Variants in GTPBP10 observed in about 807,000 individuals in gnomAD.
GTPBP10 encodes the protein GTP-binding protein 10.
A neutral mutation model predicts 44.8 loss-of-function variants in GTPBP10; 38 were observed. That is an observed-to-expected ratio of 0.85 (90% confidence interval 0.65 to 1.11). The LOEUF is 1.11. Ranked by LOEUF, GTPBP10 falls within the 50% of genes most tolerant of loss-of-function variation. The pLI, the probability that GTPBP10 is intolerant of heterozygous loss-of-function variation, is 0.00. For synonymous variants in GTPBP10, 152 were observed against 150.6 expected, an observed-to-expected ratio of 1.01 and a Z score of -0.07; for missense variants, 462 against 453.7, an observed-to-expected ratio of 1.02 and a Z score of -0.17.
intron 5 of GTPBP10, 23 bp from the exon 6 acceptor site, chr7:90,374,279 T>C (rs1206753882): frequency 5.2e-6 from 8 of 1,542,702 alleles, no homozygotes; most frequent in Non-Finnish European, 7.2e-6. Context: ...CTAGCCTTAA[T>C]TTATTGCTGT....
At chr7:90,352,198 A>G (rs1282609684) in intron 1 of GTPBP10, among the ~76,000 whole-genome samples, 1 of 152,244 alleles carries the variant, frequency 6.6e-6, no homozygotes, top group Non-Finnish European at 1.5e-5. Context: ...GAAAAGAAGC[A>G]GGTGTAGTCT....
chr7:90,372,587 G>T (rs1307003281), intron 5 of GTPBP10, among the ~76,000 whole-genome samples: 1 of 150,494 alleles, frequency 6.6e-6, no homozygotes, highest in Non-Finnish European at 1.5e-5. Flanking sequence ...AAATTGCTGG[G>T]TTATAGGTGT....
chr7:90,361,717 C>T (rs559351116), intron 4 of GTPBP10, among the ~76,000 whole-genome samples: 91 of 152,314 alleles, frequency 6.0e-4, no homozygotes, highest in African/African-American at 2.0e-3. Context: ...ACCAGCTCCT[C>T]CTTGTACCTC....
rs747807820 is a variant in GTPBP10, at chr7:90,377,475, C to T, written c.592-32C>T. The T allele has an allele frequency of 3.5e-6, 5 of 1,439,232 alleles. No homozygotes were observed. In the Admixed American group the frequency reaches 1.0e-4, roughly 29 times the overall value. The allele number at this position is 1,439,232 out of a possible 1,614,324, so 89.2% of individuals were successfully genotyped here. On this transcript the variant is annotated intron_variant, in intron 6 of 9. Coordinates refer to ENST00000222511, the MANE Select transcript of GTPBP10 (RefSeq NM_033107.4). ...TGAACTTGCGGTTTTCATACATTTT[C>T]CTTTTTCATTAACCATTTAACTTTG...
At chr7:90,348,860 C>A (rs1313872265) in intron 1 of GTPBP10, among the ~76,000 whole-genome samples, 1 of 152,164 alleles carries the variant, frequency 6.6e-6, no homozygotes, top group Non-Finnish European at 1.5e-5. Context: ...ACAATAGGAG[C>A]TCTTCTGCCA....
rs1796599375 is a variant in GTPBP10 at position 90,390,741 on chromosome 7, G to A, written c.*5587G>A. The A allele has an allele frequency of 6.6e-6, 1 of 152,046 alleles. No homozygotes were observed. Among genetic ancestry groups the A allele is most frequent in the South Asian group, 2.1e-4 (1 of 4,816 alleles). The allele number at this position is 152,046 out of a possible 1,614,324, so 9.4% of individuals were successfully genotyped here. A position where few individuals can be genotyped will look rare whatever the true frequency, so the allele number is the denominator to read the frequency against. On this transcript the variant is annotated 3_prime_UTR_variant, in exon 10 of 10. Transcript: ENST00000222511. The stretch of plus-strand genomic sequence containing the variant: ...GGCCCATATTCCAGTATATTTTTCT[G>A]AAACTGCCAATATTTTCTGATCGGT...
chr7:90,370,065 A>G lies in GTPBP10; in HGVS notation c.465-2090A>G, dbSNP rs1796228567. 2.0e-5 allele frequency among the ~76,000 whole-genome samples: 3 copies of G among 152,284 alleles called. No homozygotes were observed. In the South Asian group the frequency reaches 6.2e-4, roughly 32 times the overall value. ...AAACTACCTATTGGGTACAATGTAC[A>G]CTGCTTGGGTGATGGGTACACTAAA... On this transcript the variant is annotated intron_variant, in intron 4 of 9. Transcript: ENST00000222511.
At chr7:90,376,605 A>T (rs1796348585) in intron 6 of GTPBP10, among the ~76,000 whole-genome samples, 1 of 152,226 alleles carries the variant, frequency 6.6e-6, no homozygotes, top group African/African-American at 2.4e-5. Flanking sequence ...ATTAACAAAC[A>T]TGGCACTGCA....
chr7:90,375,297 A>G (rs958580076), intron 6 of GTPBP10, among the ~76,000 whole-genome samples: 1 of 152,142 alleles, frequency 6.6e-6, no homozygotes, highest in African/African-American at 2.4e-5. Flanking sequence ...TACAATACAT[A>G]TAGTAAAGTA....
At chr7:90,367,906 C>T (rs1796169386) in intron 4 of GTPBP10, among the ~76,000 whole-genome samples, 1 of 152,190 alleles carries the variant, frequency 6.6e-6, no homozygotes. Context: ...TATGTTTTTG[C>T]AGTGTCTGGT....
At chr7:90,357,942 C>A (rs370931779) in intron 4 of GTPBP10, among the ~76,000 whole-genome samples, 1 of 151,850 alleles carries the variant, frequency 6.6e-6, no homozygotes, top group Non-Finnish European at 1.5e-5. Flanking sequence ...TTAGCCAGAA[C>A]AATCAGGCAA....
rs556056329 is a variant in GTPBP10, at chr7:90,388,938, T to G, written c.*3784T>G. The G allele has an allele frequency of 1.3e-5, 2 of 152,316 alleles. No individual in the cohort carries two copies. Among genetic ancestry groups the G allele is most frequent in the East Asian group, 3.9e-4 (2 of 5,192 alleles). 9.4% of individuals were successfully genotyped at this position (152,316 alleles called of 1,614,324 possible). On this transcript the variant is annotated 3_prime_UTR_variant, in exon 10 of 10. Coordinates refer to ENST00000222511, the MANE Select transcript of GTPBP10 (RefSeq NM_033107.4). ...TCATTAAGATATATTAAAAATAATTTTTCAAAGCAACAGCACAGATGCACT... is the reference window on the plus strand; with the variant it reads ...TCATTAAGATATATTAAAAATAATTGTTCAAAGCAACAGCACAGATGCACT...
intron 4 of GTPBP10, among the ~76,000 whole-genome samples, chr7:90,356,557 A>C (rs906862104): frequency 6.6e-6 from 1 of 152,148 alleles, no homozygotes; most frequent in African/African-American, 2.4e-5. Flanking sequence ...TTAGGTTAGG[A>C]TCTCAAATCC....
At chr7:90,374,412 C>T (rs1284105712) in intron 6 of GTPBP10, 58 bp downstream of exon 6, 13 of 1,095,740 alleles carry the variant, frequency 1.2e-5, no homozygotes, top group Admixed American at 7.2e-5. Flanking sequence ...GGTTTTGGTA[C>T]GTACTTGGAT....
intron 3 of GTPBP10, 99 bp downstream of exon 3, chr7:90,354,648 A>C (rs1795859502): frequency 1.6e-6 from 1 of 632,874 alleles, no homozygotes; most frequent in Middle Eastern, 3.1e-4. Flanking sequence ...TTTTTTAACT[A>C]ACAATTTTAG....
chr7:90,351,173 A>C (rs1795782755), intron 1 of GTPBP10, among the ~76,000 whole-genome samples: 1 of 152,222 alleles, frequency 6.6e-6, no homozygotes, highest in African/African-American at 2.4e-5. Context: ...AATTTTATGC[A>C]GTTATGATTT....
intron 5 of GTPBP10, among the ~76,000 whole-genome samples, chr7:90,373,747 C>A (rs1187338114): frequency 6.6e-6 from 1 of 152,176 alleles, no homozygotes; most frequent in Non-Finnish European, 1.5e-5. Flanking sequence ...ATCTATCACT[C>A]ACCTTAAAGT....
chr7:90,369,325 T>C (rs1253482375), intron 4 of GTPBP10, among the ~76,000 whole-genome samples: 2 of 152,162 alleles, frequency 1.3e-5, no homozygotes, highest in African/African-American at 2.4e-5. Flanking sequence ...GACTCTCTCT[T>C]CAGAGCTGTC....
chr7:90,369,054 C>T (rs377715017), intron 4 of GTPBP10, among the ~76,000 whole-genome samples: 4 of 152,222 alleles, frequency 2.6e-5, no homozygotes, highest in East Asian at 1.9e-4. Context: ...CGGGCTTCTT[C>T]GCTGCAGGTC....
Sources: allele counts gnomAD v4.1 joint callset (sites outside exome capture counted in the v4.1 genomes callset), GRCh38; gene constraint gnomAD v4.1.1; transcripts MANE v1.5; gene names NCBI Gene and HGNC (gene_info 2026-07-23, HGNC 2026-07-21).